COL21A1: variants seen among roughly 807,000 people sequenced by gnomAD.
COL21A1 encodes the protein collagen type XXI alpha 1 chain.
In COL21A1, 149 loss-of-function variants were observed where a neutral mutation model predicts 137.9. The ratio of observed to expected loss-of-function variants is 1.08; its 90% CI spans 0.95 to 1.24. The LOEUF (loss-of-function observed/expected upper bound fraction) is 1.24. Among genes scored for constraint, COL21A1 ranks in the 50% most tolerant of loss-of-function variants. The pLI, the probability that COL21A1 is intolerant of heterozygous loss-of-function variation, is 0.00. For missense variants in COL21A1, 1,167 were observed against 1,158.4 expected, an observed-to-expected ratio of 1.01 and a Z score of -0.11; for synonymous variants, 456 against 391.5, an observed-to-expected ratio of 1.16 and a Z score of -1.95.
rs191874630 is a variant in COL21A1 at position 56,319,583 on chromosome 6, C to G, written c.-39+74388G>C. On this transcript the variant is annotated intron_variant, in intron 1 of 28. Coordinates refer to the COL21A1 transcript ENST00000370819. ...AAACTCCTGACCTCAGGTGATCTGCCTACCCTGGCCCCCCAAAGTGTTGGC... is the reference window on the plus strand; with the variant it reads ...AAACTCCTGACCTCAGGTGATCTGCGTACCCTGGCCCCCCAAAGTGTTGGC... Among the ~76,000 whole-genome samples, 90 of 152,306 alleles carry G rather than the reference C, an allele frequency of 5.9e-4. 1 individual carries two copies. The East Asian group carries it at 0.012, about 21-fold the overall frequency.
chr6:56,343,119 C>T (rs970879966), intron 1 of COL21A1, among the ~76,000 whole-genome samples: 2 of 152,022 alleles, frequency 1.3e-5, no homozygotes, highest in African/African-American at 4.8e-5. Flanking sequence ...CCTGGGGACC[C>T]ATCTGTAAAA....
intron 16 of COL21A1, among the ~76,000 whole-genome samples, chr6:56,111,049 A>G (rs867160222): frequency 7.9e-5 from 12 of 152,068 alleles, no homozygotes; most frequent in Middle Eastern, 3.2e-3. Flanking sequence ...AAATACTATA[A>G]AACAGGTGAT....
chr6:56,126,030 A>G, intron 13 of COL21A1, 66 bp downstream of exon 13: 1 of 898,116 alleles, frequency 1.1e-6, no homozygotes. Flanking sequence ...TTTGTAATAT[A>G]AAAGTACTTT....
chr6:56,385,425 A>C (rs1171714578), intron 1 of COL21A1, among the ~76,000 whole-genome samples: 1 of 152,194 alleles, frequency 6.6e-6, no homozygotes, highest in Non-Finnish European at 1.5e-5. Flanking sequence ...CTTCTAGAGC[A>C]TGGCCACAGT....
chr6:56,110,937 A>G (rs568301075), intron 16 of COL21A1, among the ~76,000 whole-genome samples: 1 of 152,250 alleles, frequency 6.6e-6, no homozygotes, highest in South Asian at 2.1e-4. Flanking sequence ...TCCCTCTAAG[A>G]TTTGGAGCTT....
At chr6:56,294,264 A>C (rs1215393767) in intron 1 of COL21A1, among the ~76,000 whole-genome samples, 1 of 152,102 alleles carries the variant, frequency 6.6e-6, no homozygotes, top group Admixed American at 6.6e-5. Context: ...TAACTTTGCC[A>C]TTTTCAGTCA....
At chr6:56,088,548 C>CT (rs536213566) in intron 17 of COL21A1, among the ~76,000 whole-genome samples, 267 of 151,986 alleles carry the variant, frequency 1.8e-3, no homozygotes, top group African/African-American at 5.7e-3. Context: ...ATTTCCTTTT[C>CT]TTTTTTTTAC....
chr6:56,222,276 A>G (rs994768765), intron 1 of COL21A1, among the ~76,000 whole-genome samples: 2 of 152,256 alleles, frequency 1.3e-5, no homozygotes, highest in East Asian at 3.9e-4. Flanking sequence ...TCCGTCTCAA[A>G]AAAAAAAATT....
chr6:56,131,645 G>C (rs1462022198), intron 12 of COL21A1, among the ~76,000 whole-genome samples: 4 of 152,088 alleles, frequency 2.6e-5, no homozygotes, highest in Admixed American at 2.0e-4. Flanking sequence ...AAAGAGTGTA[G>C]TGGATGCCTG....
At chr6:56,085,786 T>C (rs1341119757) in intron 17 of COL21A1, among the ~76,000 whole-genome samples, 1 of 151,906 alleles carries the variant, frequency 6.6e-6, no homozygotes, top group Non-Finnish European at 1.5e-5. Flanking sequence ...TGAATTTTAA[T>C]AGGCATTTCT....
In COL21A1 at chr6:56,061,025, C is replaced by T; in HGVS notation, c.2218G>A (p.Gly740Arg). 3 of 1,587,390 alleles carry T rather than the reference C, an allele frequency of 1.9e-6. No homozygotes were observed. Among genetic ancestry groups the T allele is most frequent in the Non-Finnish European group, 2.6e-6 (3 of 1,172,150 alleles). ...ATGGCACCTCGGACACCAGGTTCTC[C>T]CTTTTCACCTCTCTAAAAGCAAAAG... ...HGAKGERGEK[G>R]EPGVRGAIGS... The change falls in exon 26 of 30, where the codon GGA becomes AGA. Residue 740 changes from glycine to arginine, a missense_variant. Physicochemically the swap from Gly to Arg is moderately radical, Grantham distance 125 (BLOSUM62 -2). Coordinates refer to ENST00000244728, the MANE Select transcript of COL21A1 (RefSeq NM_030820.4).
chr6:56,069,365 G>A (rs1374748102), intron 21 of COL21A1, among the ~76,000 whole-genome samples: 1 of 151,112 alleles, frequency 6.6e-6, no homozygotes, highest in East Asian at 1.9e-4. Flanking sequence ...GTAAATATTT[G>A]TTATTTTTAT....
At chr6:56,358,859 G>A (rs1765898528) in intron 1 of COL21A1, among the ~76,000 whole-genome samples, 1 of 152,028 alleles carries the variant, frequency 6.6e-6, no homozygotes, top group Non-Finnish European at 1.5e-5. Context: ...TGGATAAATA[G>A]AGCTATAGGA....
intron 1 of COL21A1, among the ~76,000 whole-genome samples, chr6:56,389,149 G>A (rs2094024236): frequency 6.6e-6 from 1 of 152,078 alleles, no homozygotes; most frequent in African/African-American, 2.4e-5. Flanking sequence ...ATCATCTGAG[G>A]TCAGGAGTTT....
chr6:56,236,164 T>G (rs1311831442), intron 1 of COL21A1, among the ~76,000 whole-genome samples: 1 of 151,936 alleles, frequency 6.6e-6, no homozygotes, highest in African/African-American at 2.4e-5. Flanking sequence ...ACAAACCATC[T>G]CAAAGAAGTG....
chr6:56,341,428 A>G (rs754461381), intron 1 of COL21A1, among the ~76,000 whole-genome samples: 10 of 152,238 alleles, frequency 6.6e-5, no homozygotes, highest in Non-Finnish European at 1.5e-4. Context: ...CTGCCAAGCC[A>G]TGAAAAGACA....
intron 1 of COL21A1, among the ~76,000 whole-genome samples, chr6:56,216,086 C>A (rs143807385): frequency 2.0e-5 from 3 of 152,116 alleles, no homozygotes; most frequent in East Asian, 3.9e-4. Flanking sequence ...TTCATTTTTT[C>A]ACAATGGTGA....
intron 1 of COL21A1, among the ~76,000 whole-genome samples, chr6:56,359,605 A>G (rs971823583): frequency 2.6e-5 from 4 of 152,226 alleles, no homozygotes; most frequent in Admixed American, 2.0e-4. Flanking sequence ...TGATTATTCT[A>G]AAGGAGACAT....
intron 1 of COL21A1, among the ~76,000 whole-genome samples, chr6:56,219,115 G>A (rs1780662142): frequency 6.8e-6 from 1 of 146,782 alleles, no homozygotes; most frequent in South Asian, 2.2e-4. Context: ...ACTGTAACAT[G>A]CAATGAAAAG....
Sources: gnomAD v4.1 joint callset for allele counts (sites outside exome capture counted in the v4.1 genomes callset) on GRCh38, gnomAD v4.1.1 for gene constraint, MANE v1.5 for transcripts, NCBI Gene and HGNC (gene_info 2026-07-23, HGNC 2026-07-21) for gene names.